GRIK4: variants seen among roughly 807,000 people sequenced by gnomAD.
The protein encoded by GRIK4 is glutamate receptor ionotropic, kainate 4.
GRIK4 carries 40 observed loss-of-function variants against 104.9 expected under a neutral mutation model. The observed-to-expected ratio is 0.38, with a 90% CI of 0.30 to 0.50. The LOEUF (loss-of-function observed/expected upper bound fraction) is 0.50. Ranked by LOEUF, GRIK4 falls within the 20% of genes least tolerant of loss-of-function variation. The pLI, the probability that GRIK4 is intolerant of heterozygous loss-of-function variation, is 0.93. For missense variants in GRIK4, 1,047 were observed against 1,308.1 expected, an observed-to-expected ratio of 0.80 and a Z score of 3.08; for synonymous variants, 485 against 524.9, an observed-to-expected ratio of 0.92 and a Z score of 1.04.
chr11:120,624,745 T>A (rs926946933), intron 1 of GRIK4, among the ~76,000 whole-genome samples: 12 of 152,154 alleles, frequency 7.9e-5, no homozygotes, highest in African/African-American at 2.7e-4. Context: ...ATTTCTTTCT[T>A]CCAGGGCTGT....
At chr11:120,739,101 C>T (rs1951280220) in intron 3 of GRIK4, among the ~76,000 whole-genome samples, 1 of 152,182 alleles carries the variant, frequency 6.6e-6, no homozygotes. Context: ...GCCTGGTGTC[C>T]TCCCTTCTTA....
intron 3 of GRIK4, among the ~76,000 whole-genome samples, chr11:120,792,941 A>G (rs549933565): frequency 1.3e-5 from 2 of 152,282 alleles, no homozygotes; most frequent in South Asian, 4.1e-4. Flanking sequence ...CGTTGTTTAA[A>G]GGGGAGGCAG....
intron 20 of GRIK4, among the ~76,000 whole-genome samples, chr11:120,984,218 A>G (rs1370576298): frequency 6.6e-6 from 1 of 152,250 alleles, no homozygotes; most frequent in Non-Finnish European, 1.5e-5. Context: ...TGGCTGTGGT[A>G]GAACAACTAT....
In GRIK4 at chr11:120,772,843, G is replaced by A. The variant is rs1017376695; in HGVS notation, c.83-29850G>A. 1.3e-4 allele frequency among the ~76,000 whole-genome samples: 20 copies of A among 151,888 alleles called. 1 individual carries two copies. The highest frequency in any genetic ancestry group is 2.5e-4 in the Non-Finnish European group (17 of 67,990). On this transcript the variant is annotated intron_variant, in intron 3 of 20. Coordinates refer to ENST00000527524, the MANE Select transcript of GRIK4 (RefSeq NM_014619.5). ...GACAGAAGGGAAAGTGGGTCCAAGTGCTGGTGCATTCATTCATTCATTCAT... is the reference window on the plus strand; with the variant it reads ...GACAGAAGGGAAAGTGGGTCCAAGTACTGGTGCATTCATTCATTCATTCAT...
At chr11:120,668,387 A>T (rs1184673876) in intron 3 of GRIK4, among the ~76,000 whole-genome samples, 2 of 151,998 alleles carry the variant, frequency 1.3e-5, no homozygotes, top group Non-Finnish European at 2.9e-5. Context: ...AAAGAAAAAG[A>T]AAGGAAGAAA....
At chr11:120,966,423 A>C (rs1488643840) in intron 18 of GRIK4, among the ~76,000 whole-genome samples, 2 of 152,186 alleles carry the variant, frequency 1.3e-5, no homozygotes, top group Non-Finnish European at 2.9e-5. Flanking sequence ...CCGAGGCTGG[A>C]GTGTAGTGGT....
At chr11:120,854,191 G>C (rs1954046404) in intron 8 of GRIK4, among the ~76,000 whole-genome samples, 1 of 152,222 alleles carries the variant, frequency 6.6e-6, no homozygotes, top group Non-Finnish European at 1.5e-5. Flanking sequence ...TGGGTGACAT[G>C]AGGCTGCCAG....
At chr11:120,620,326 G>T in intron 1 of GRIK4, 2 of 629,458 alleles carry the variant, frequency 3.2e-6, no homozygotes, top group Non-Finnish European at 3.0e-6. Flanking sequence ...GTTTCCCAGA[G>T]TTCTTTTTCT....
At chr11:120,657,471 C>G (rs1949730064) in intron 2 of GRIK4, among the ~76,000 whole-genome samples, 1 of 152,230 alleles carries the variant, frequency 6.6e-6, no homozygotes, top group Admixed American at 6.5e-5. Flanking sequence ...CAGGTGATTG[C>G]TTGAGGCCTT....
At chr11:120,737,101 C>T (rs1052863668) in intron 3 of GRIK4, among the ~76,000 whole-genome samples, 1 of 152,210 alleles carries the variant, frequency 6.6e-6, no homozygotes, top group African/African-American at 2.4e-5. Flanking sequence ...TATTTATACT[C>T]ATGAGTTCAT....
At chr11:120,611,632 C>G (rs2135148483) in intron 1 of GRIK4, among the ~76,000 whole-genome samples, 1 of 152,258 alleles carries the variant, frequency 6.6e-6, no homozygotes, top group East Asian at 1.9e-4. Flanking sequence ...GTGCATAATC[C>G]CTCACTGCCC....
chr11:120,771,369 T>C (rs1951939080), intron 3 of GRIK4, among the ~76,000 whole-genome samples: 1 of 152,210 alleles, frequency 6.6e-6, no homozygotes, highest in South Asian at 2.1e-4. Context: ...TGAATTGTGT[T>C]TGTGTTCTAA....
At chr11:120,618,764 G>T (rs1408842318) in intron 1 of GRIK4, among the ~76,000 whole-genome samples, 1 of 152,260 alleles carries the variant, frequency 6.6e-6, no homozygotes, top group East Asian at 1.9e-4. Context: ...TTTCCATGTG[G>T]TGCTAAGCTG....
chr11:120,897,211 T>C (rs1792206749), intron 11 of GRIK4, among the ~76,000 whole-genome samples: 1 of 152,026 alleles, frequency 6.6e-6, no homozygotes, highest in South Asian at 2.1e-4. Flanking sequence ...AACCCATTGC[T>C]GTTGAGTTTA....
At chr11:120,586,819 C>T (rs1415138623) in intron 1 of GRIK4, among the ~76,000 whole-genome samples, 2 of 152,170 alleles carry the variant, frequency 1.3e-5, no homozygotes, top group Non-Finnish European at 2.9e-5. Context: ...GCTTTAGCCT[C>T]TCCATTCCTG....
intron 1 of GRIK4, among the ~76,000 whole-genome samples, chr11:120,599,091 T>C (rs1948845624): frequency 6.6e-6 from 1 of 152,154 alleles, no homozygotes; most frequent in South Asian, 2.1e-4. Context: ...AAACTAAGGG[T>C]GTGGAGAGGG....
At chr11:120,655,319 G>T (rs1317482934) in intron 2 of GRIK4, among the ~76,000 whole-genome samples, 1 of 151,896 alleles carries the variant, frequency 6.6e-6, no homozygotes, top group East Asian at 1.9e-4. Flanking sequence ...ACATGCAGGG[G>T]GCAGAGGGCA....
At chr11:120,777,156 T>C (rs1057186854) in intron 3 of GRIK4, among the ~76,000 whole-genome samples, 1 of 152,310 alleles carries the variant, frequency 6.6e-6, no homozygotes, top group Non-Finnish European at 1.5e-5. Flanking sequence ...TCAAAGTTTA[T>C]CTTTGAGATA....
intron 19 of GRIK4, among the ~76,000 whole-genome samples, chr11:120,972,919 A>G (rs562459136): frequency 6.6e-6 from 1 of 152,270 alleles, no homozygotes; most frequent in South Asian, 2.1e-4. Flanking sequence ...CCCAAGGCAG[A>G]GGGCCCAGTG....
Sources: allele counts gnomAD v4.1 joint callset (sites outside exome capture counted in the v4.1 genomes callset), GRCh38; gene constraint gnomAD v4.1.1; transcripts MANE v1.5; gene names NCBI Gene and HGNC (gene_info 2026-07-23, HGNC 2026-07-21).